Variants in TBC1D9 observed in about 807,000 individuals in gnomAD.
The protein encoded by TBC1D9 is TBC1 domain family member 9, also known as TBC1 domain family member 9A.
Under a neutral mutation model 132.0 loss-of-function variants are expected in TBC1D9, and 63 were observed. The ratio of observed to expected loss-of-function variants is 0.48; its 90% CI spans 0.39 to 0.59. The LOEUF (loss-of-function observed/expected upper bound fraction) is 0.59. Among genes scored for constraint, TBC1D9 ranks in the 20% least tolerant of loss-of-function variants. The pLI, the probability that TBC1D9 is intolerant of heterozygous loss-of-function variation, is 0.00. For synonymous variants in TBC1D9, 610 were observed against 609.9 expected (o/e 1.00, Z 0.00); for missense variants, 1,261 against 1,592.7 (o/e 0.79, Z 3.54).
At chr4:140,703,279 T>G (rs1560890685) in intron 1 of TBC1D9, among the ~76,000 whole-genome samples, 2 of 152,204 alleles carry the variant, frequency 1.3e-5, no homozygotes, top group Admixed American at 6.5e-5. Flanking sequence ...GCACAAATTC[T>G]GAAAATGTTG....
chr4:140,624,960 G>A (rs963253590), intron 18 of TBC1D9, among the ~76,000 whole-genome samples: 2 of 152,160 alleles, frequency 1.3e-5, no homozygotes, highest in Non-Finnish European at 2.9e-5. Context: ...ACTGAGGCAG[G>A]AGAATTGCTT....
chr4:140,705,354 A>T (rs1223941706), intron 1 of TBC1D9, among the ~76,000 whole-genome samples: 2 of 152,014 alleles, frequency 1.3e-5, no homozygotes, highest in East Asian at 3.8e-4. Context: ...TTACTTGCAC[A>T]TTTTGCCTTG....
rs141304259 is a variant in TBC1D9, at chr4:140,743,574, G to C, written c.130+12342C>G. Among the ~76,000 whole-genome samples the C allele has an allele frequency of 4.9e-3, 751 of 152,262 alleles. 3 individuals are homozygous for C. Among genetic ancestry groups the C allele is most frequent in the African/African-American group, 0.017 (702 of 41,552 alleles). On this transcript the variant is annotated intron_variant, in intron 1 of 20. Transcript: ENST00000442267. ...AGAGAACACAAAGACGCTGTGCAAA[G>C]AGCCACCCTCAGGGCTTTTGTCTGT...
chr4:140,662,035 T>C lies in TBC1D9; in HGVS notation c.1661A>G (p.Asn554Ser), dbSNP rs1578830009. Residue 554 changes from asparagine (N) to serine (S), a missense_variant, in exon 10 of 21, where the codon AAT becomes AGT. Asn to Ser is a conservative substitution (Grantham distance 46, BLOSUM62 1). Around this residue, in one of 3 missense-constraint regions of TBC1D9, gnomAD observed 550 missense variants for 699.0 expected, o/e 0.79. Coordinates refer to ENST00000442267, the MANE Select transcript of TBC1D9 (RefSeq NM_015130.3). Reference protein sequence around the residue: ...DLVEKSMGKYNLATEEIERDL... With the variant: ...DLVEKSMGKYSLATEEIERDL... ...CCTCTCAATCTCCTCCGTGGCGAGA[T>C]TATACTTCCCCATGGACTTCTCCAC... 1 of 1,613,958 alleles carries C rather than the reference T, an allele frequency of 6.2e-7. No homozygotes were observed.
chr4:140,715,214 G>A (rs1408532451), intron 1 of TBC1D9, among the ~76,000 whole-genome samples: 1 of 152,158 alleles, frequency 6.6e-6, no homozygotes, highest in Non-Finnish European at 1.5e-5. Flanking sequence ...AGTTGTGCCT[G>A]AATTCCAAAG....
intron 1 of TBC1D9, among the ~76,000 whole-genome samples, chr4:140,716,347 T>C (rs1210365421): frequency 1.1e-4 from 16 of 152,044 alleles, no homozygotes; most frequent in African/African-American, 3.9e-4. Context: ...AAAAATCAGC[T>C]GGGTGTAGTG....
chr4:140,650,365 T>C lies in TBC1D9; in HGVS notation c.2337+6732A>G, dbSNP rs544347709. 2.6e-5 allele frequency among the ~76,000 whole-genome samples: 4 copies of C among 152,304 alleles called. No individual in the cohort carries two copies. The East Asian group carries it at 5.8e-4, about 22-fold the overall frequency. ...AATTAAAAGTTCTGGCAGCAATGGT[T>C]CCTTGCCTCAGGTGGTAAAGAGACT... On this transcript the variant is annotated intron_variant, in intron 13 of 20. Coordinates refer to ENST00000442267, the MANE Select transcript of TBC1D9 (RefSeq NM_015130.3).
chr4:140,643,249 C>T (rs1737038690), intron 13 of TBC1D9: 1 of 1,317,870 alleles, frequency 7.6e-7, no homozygotes, highest in Admixed American at 2.0e-5. Flanking sequence ...CTCTCCAGCT[C>T]CAGCTCTGCG....
chr4:140,699,127 C>T (rs1380171171), intron 2 of TBC1D9, among the ~76,000 whole-genome samples: 2 of 151,970 alleles, frequency 1.3e-5, no homozygotes, highest in African/African-American at 4.8e-5. Flanking sequence ...AAAGCTGGAA[C>T]AATTTGAGCA....
In TBC1D9 at chr4:140,727,739, T is replaced by C. The variant is rs570562473; in HGVS notation, c.131-26125A>G. Among the ~76,000 whole-genome samples the C allele has an allele frequency of 4.9e-4, 74 of 152,168 alleles. 2 individuals are homozygous for C. The highest frequency in any genetic ancestry group is 1.7e-3 in the African/African-American group (71 of 41,510). On this transcript the variant is annotated intron_variant, in intron 1 of 20. Transcript: ENST00000442267. ...GTGCCTACATGTGATAAGCACCTAA[T>C]ATCTGTTCCATGAGTGAACAAGTGA...
chr4:140,643,498 G>T, intron 13 of TBC1D9: 1 of 883,358 alleles, frequency 1.1e-6, no homozygotes, highest in East Asian at 2.6e-5. Flanking sequence ...ACGGCCTCCC[G>T]GGGCTCCAGT....
At chr4:140,642,853 T>C in intron 13 of TBC1D9, 1 of 576,712 alleles carries the variant, frequency 1.7e-6, no homozygotes, top group Non-Finnish European at 3.1e-6. Flanking sequence ...GGGGCGTGGG[T>C]CTGTTTCCAC....
chr4:140,682,556 G>A (rs1174977390), intron 3 of TBC1D9, among the ~76,000 whole-genome samples: 1 of 152,198 alleles, frequency 6.6e-6, no homozygotes, highest in East Asian at 1.9e-4. Flanking sequence ...ACATTTCAAA[G>A]TTGTCAGTGC....
chr4:140,623,542 G>A (rs1325519528), intron 20 of TBC1D9, among the ~76,000 whole-genome samples: 1 of 151,922 alleles, frequency 6.6e-6, no homozygotes, highest in Non-Finnish European at 1.5e-5. Flanking sequence ...GGAAATCCGA[G>A]ACTCATCTAT....
chr4:140,622,893 T>C lies in TBC1D9; in HGVS notation c.3103A>G (p.Thr1035Ala). 1 of 1,560,172 alleles carries C rather than the reference T, an allele frequency of 6.4e-7. No individual in the cohort carries two copies. Reference protein sequence around the residue: ...NQGQFIELCKTMYNMFSEDPN... With the variant: ...NQGQFIELCKAMYNMFSEDPN... The stretch of plus-strand genomic sequence containing the variant: ...TCTTCGCTGAACATGTTATACATTG[T>C]CTTACACAGTTCAATGAACTGCCCC... The change falls in exon 21 of 21, where the codon ACA becomes GCA. Residue 1035 changes from threonine to alanine, a missense_variant. Around this residue, in one of 3 missense-constraint regions of TBC1D9, gnomAD observed 618 missense variants for 724.4 expected, o/e 0.85. Transcript: ENST00000442267.
intron 1 of TBC1D9, among the ~76,000 whole-genome samples, chr4:140,753,018 T>C (rs942424457): frequency 6.6e-6 from 1 of 152,082 alleles, no homozygotes; most frequent in Admixed American, 6.6e-5. Context: ...CACTTACTCT[T>C]CCCTCCTCTC....
intron 1 of TBC1D9, among the ~76,000 whole-genome samples, chr4:140,749,144 T>C (rs981611568): frequency 6.6e-6 from 1 of 151,896 alleles, no homozygotes; most frequent in Non-Finnish European, 1.5e-5. Flanking sequence ...GGTGGGAGAA[T>C]CACTTGAAGC....
chr4:140,668,873 T>A (rs765090935), intron 9 of TBC1D9, 44 bp downstream of exon 9: 8 of 1,603,812 alleles, frequency 5.0e-6, no homozygotes, highest in Non-Finnish European at 8.5e-7. Flanking sequence ...TGGTGTGGAG[T>A]CCCACAGACT....
At chr4:140,629,584 A>G (rs181851339) in intron 16 of TBC1D9, among the ~76,000 whole-genome samples, 6 of 152,132 alleles carry the variant, frequency 3.9e-5, no homozygotes, top group Admixed American at 2.6e-4. Flanking sequence ...AATTTTTTCA[A>G]TTTTCTCATA....
Sources: gnomAD v4.1 joint callset for allele counts (sites outside exome capture counted in the v4.1 genomes callset) on GRCh38, gnomAD v4.1.1 for gene constraint, gnomAD v4.1.1 regional missense constraint, MANE v1.5 for transcripts, NCBI Gene and HGNC (gene_info 2026-07-23, HGNC 2026-07-21) for gene names.